Variants in MRPL37 observed in about 807,000 individuals in gnomAD.
MRPL37 encodes mitochondrial ribosomal protein L37, also known as large ribosomal subunit protein mL37.
A neutral mutation model predicts 44.1 loss-of-function variants in MRPL37; 34 were observed. The observed-to-expected ratio is 0.77, with a 90% CI of 0.59 to 1.03. The LOEUF (loss-of-function observed/expected upper bound fraction) is 1.03. MRPL37 is among the 50% of genes least tolerant of loss of function. The probability of loss-of-function intolerance (pLI) is 0.00; values close to 1 mark genes in which losing one functional copy is unlikely to be tolerated. For synonymous variants in MRPL37, 212 were observed against 219.5 expected (o/e 0.97, Z 0.30); for missense variants, 532 against 543.7 (o/e 0.98, Z 0.21).
intron 3 of MRPL37, among the ~76,000 whole-genome samples, chr1:54,206,439 T>C (rs145079208): frequency 0.016 from 2,381 of 151,990 alleles, 46 homozygotes; most frequent in East Asian, 0.068. Context: ...AGACAGAGTC[T>C]TGCTGTGTCG....
At chr1:54,206,663 A>T (rs1256621158) in intron 3 of MRPL37, among the ~76,000 whole-genome samples, 2 of 149,070 alleles carry the variant, frequency 1.3e-5, no homozygotes, top group Non-Finnish European at 3.0e-5. Flanking sequence ...GCCCATCTTG[A>T]CCTCCTAAAG....
chr1:54,224,216 C>T (rs1644257846), downstream of MRPL37, among the ~76,000 whole-genome samples: 1 of 152,220 alleles, frequency 6.6e-6, no homozygotes, highest in African/African-American at 2.4e-5. Flanking sequence ...TTCATCTCTC[C>T]AATGGAGATG....
rs1386405945 is a variant in MRPL37, at chr1:54,216,293, C to CT, written c.1143_1144insT (p.Leu382SerfsTer49). 6.2e-7 allele frequency: 1 copy of CT among 1,614,022 alleles called. No individual in the cohort carries two copies. The highest frequency in any genetic ancestry group is 1.3e-5 in the African/African-American group (1 of 74,900). ...TGGCCTGGGTGGACTCAGACCAGCT[C>CT]CTCTATCAGCATTTTTGGTGTCTCC... is the stretch of plus-strand genomic sequence containing the variant. On this transcript the variant is annotated frameshift_variant, in exon 6 of 7. Transcript: ENST00000360840. LOFTEE classifies it high-confidence loss of function.
At chr1:54,217,149 A>G (rs1644203859) in intron 6 of MRPL37, among the ~76,000 whole-genome samples, 1 of 152,166 alleles carries the variant, frequency 6.6e-6, no homozygotes, top group African/African-American at 2.4e-5. Flanking sequence ...TCTGGGACCA[A>G]CCAGGCCCCA....
At chr1:54,209,429 G>T (rs1175802830) in intron 3 of MRPL37, among the ~76,000 whole-genome samples, 2 of 151,422 alleles carry the variant, frequency 1.3e-5, no homozygotes, top group African/African-American at 4.9e-5. Flanking sequence ...TTTAGACTTT[G>T]CAGGATTGAG....
downstream of MRPL37, chr1:54,220,733 A>G (rs1172390465): frequency 4.2e-6 from 2 of 471,178 alleles, no homozygotes; most frequent in Non-Finnish European, 8.8e-6. Context: ...CGCCCAGTAC[A>G]GGCTCCCCAG....
At chr1:54,224,741 C>T (rs1300435736), downstream of MRPL37, among the ~76,000 whole-genome samples, 2 of 151,478 alleles carry the variant, frequency 1.3e-5, no homozygotes, top group Non-Finnish European at 2.9e-5. Flanking sequence ...TCGTGCAAGT[C>T]AGCATCCATA....
chr1:54,224,644 TCCCA>T (rs796479489), downstream of MRPL37, among the ~76,000 whole-genome samples: 4 of 151,476 alleles, frequency 2.6e-5, no homozygotes, highest in African/African-American at 9.7e-5. Flanking sequence ...ACCCTCTGTC[TCCCA>T]CCCACCCACC....
At position 54,214,054 on chromosome 1, in the gene MRPL37, G is replaced by A. The variant is rs556853327; in HGVS notation, c.990+1396G>A. Among the ~76,000 whole-genome samples the A allele has an allele frequency of 2.4e-4, 36 of 152,286 alleles. No homozygotes were observed. In the South Asian group the frequency reaches 6.4e-3, roughly 27 times the overall value. On this transcript the variant is annotated intron_variant, in intron 5 of 6. Transcript: ENST00000360840. ...AAAGATTAGCTGGGTGTGGTGGCAT[G>A]CACGTGTAATCCCAGCTACTCGGGA...
chr1:54,222,049 T>C (rs927222865), downstream of MRPL37, among the ~76,000 whole-genome samples: 14 of 152,290 alleles, frequency 9.2e-5, no homozygotes, highest in African/African-American at 3.4e-4. Context: ...CAGCTTGCCA[T>C]AGGGAGGGGT....
chr1:54,225,119 T>C, downstream of MRPL37: 6 of 1,234,314 alleles, frequency 4.9e-6, no homozygotes, highest in African/African-American at 1.5e-5. Context: ...CTTTTTCTAC[T>C]TCCAGAAAAA....
At chr1:54,220,515 T>C (rs1025461063), downstream of MRPL37, 1 of 379,084 alleles carries the variant, frequency 2.6e-6, no homozygotes, top group African/African-American at 2.1e-5. Flanking sequence ...TTTTTTTTAT[T>C]GTCCCCATGG....
At position 54,212,539 on chromosome 1, in the gene MRPL37, C is replaced by G. The variant is rs772680388; in HGVS notation, c.871C>G (p.Leu291Val). ...EGYPYPYPHT[L>V]YLLDKANLRP... ...CTATCCTTACCCCTATCCCCATACCCTGTACTTACTGGACAAAGCCAATTT... is the reference window on the plus strand; with the variant it reads ...CTATCCTTACCCCTATCCCCATACCGTGTACTTACTGGACAAAGCCAATTT... The change falls in exon 5 of 7, where the codon CTG (leucine) becomes GTG (valine). Residue 291 changes from leucine to valine, a missense_variant. Coordinates refer to ENST00000360840, the MANE Select transcript of MRPL37 (RefSeq NM_016491.4). 6.2e-7 allele frequency: 1 copy of G among 1,614,202 alleles called. No homozygotes were observed. The highest frequency in any genetic ancestry group is 8.5e-7 in the Non-Finnish European group (1 of 1,180,040).
intron 5 of MRPL37, among the ~76,000 whole-genome samples, chr1:54,214,612 G>C (rs1644185663): frequency 6.6e-6 from 1 of 152,178 alleles, no homozygotes; most frequent in Non-Finnish European, 1.5e-5. Context: ...TCCCAGGCCT[G>C]CAGACTCGCT....
In MRPL37 at chr1:54,216,199, G is replaced by A. The variant is rs1212016201; in HGVS notation, c.1049G>A (p.Arg350His). Residue 350 changes from arginine to histidine, a missense_variant, in exon 6 of 7, where the codon CGT becomes CAT. Arg to His is a conservative substitution (Grantham distance 29). Transcript: ENST00000360840. ...GTGCAGAGCGTGGGCACGGATGGAC[G>A]TGTCTTCCATTTCCTAGTGTTTCAA... ...VVVQSVGTDGRVFHFLVFQLN... is the reference protein window; with the variant it reads ...VVVQSVGTDGHVFHFLVFQLN... 3.1e-6 allele frequency: 5 copies of A among 1,614,106 alleles called. No individual in the cohort carries two copies. The highest frequency in any genetic ancestry group is 2.7e-5 in the African/African-American group (2 of 74,926).
intron 3 of MRPL37, among the ~76,000 whole-genome samples, chr1:54,206,006 T>C (rs1644119031): frequency 6.6e-6 from 1 of 152,258 alleles, no homozygotes; most frequent in Non-Finnish European, 1.5e-5. Flanking sequence ...TTCAGCTTTT[T>C]AGCATCAAGC....
At chr1:54,211,993 G>A (rs1644168633) in intron 4 of MRPL37, among the ~76,000 whole-genome samples, 1 of 152,180 alleles carries the variant, frequency 6.6e-6, no homozygotes, top group South Asian at 2.1e-4. Flanking sequence ...TGAATGATGA[G>A]GCAAGTCATT....
Position 54,200,377 on chromosome 1 carries a change from C to T in MRPL37, c.134C>T (p.Pro45Leu). Residue 45 changes from proline (P) to leucine (L), a missense_variant, in exon 1 of 7, where the codon CCC (proline) becomes CTC (leucine). Coordinates refer to ENST00000360840, the MANE Select transcript of MRPL37 (RefSeq NM_016491.4). ...TCCACGCGGAAGTCGGAGCCTCCTC[C>T]CCTGGATAGGGTGTACGAGATCCCT... ...VRSTRKSEPPPLDRVYEIPGL... is the reference protein window; with the variant it reads ...VRSTRKSEPPLLDRVYEIPGL... 1.2e-6 allele frequency: 2 copies of T among 1,614,204 alleles called. No individual in the cohort carries two copies. Among genetic ancestry groups the T allele is most frequent in the Non-Finnish European group, 1.7e-6 (2 of 1,180,036 alleles).
downstream of MRPL37, among the ~76,000 whole-genome samples, chr1:54,222,264 C>T (rs927129279): frequency 3.3e-5 from 5 of 152,194 alleles, no homozygotes; most frequent in African/African-American, 9.7e-5. Flanking sequence ...GAGAGCTACC[C>T]CAGCCTGGAA....
Sources: allele counts gnomAD v4.1 joint callset (sites outside exome capture counted in the v4.1 genomes callset), GRCh38; gene constraint gnomAD v4.1.1; transcripts MANE v1.5; gene names NCBI Gene and HGNC (gene_info 2026-07-23, HGNC 2026-07-21).